Variants in CYP27B1 observed in about 807,000 individuals in gnomAD.
CYP27B1 encodes cytochrome P450 family 27 subfamily B member 1.
A neutral mutation model predicts 54.8 loss-of-function variants in CYP27B1; 46 were observed. The ratio of observed to expected loss-of-function variants is 0.84; its 90% CI spans 0.66 to 1.07. The LOEUF (loss-of-function observed/expected upper bound fraction) is 1.07, where lower values mean the gene tolerates loss of function less well. Ranked by LOEUF, CYP27B1 falls within the 50% of genes least tolerant of loss-of-function variation. The pLI is 0.00. For synonymous variants in CYP27B1, 292 were observed against 297.3 expected (o/e 0.98, Z 0.18); for missense variants, 674 against 692.2 (o/e 0.97, Z 0.30).
At position 57,764,443 on chromosome 12, in the gene CYP27B1, G is replaced by A. The variant is rs759563696; in HGVS notation, c.1071C>T (p.Ala357=). Residue 357 remains alanine, a synonymous_variant, in exon 6 of 9, where the codon GCC becomes GCT. Transcript: ENST00000228606. ...GGGACAGAACAGTGGCTGAGGGGTA[G>A]GCACTGGAGCCAGGGCTCAGGGCAG... ...ITAALSPGSS[A]YPSATVLSQL... is the part of the protein sequence containing the mutation. 6.2e-7 allele frequency: 1 copy of A among 1,614,230 alleles called. No homozygotes were observed. Among genetic ancestry groups the A allele is most frequent in the Non-Finnish European group, 8.5e-7 (1 of 1,180,048 alleles).
At chr12:57,766,711 A>C in intron 1 of CYP27B1, 136 bp downstream of exon 1, 1 of 974,038 alleles carries the variant, frequency 1.0e-6, no homozygotes. Flanking sequence ...CCCAGCCTCA[A>C]CTCGCCTTTT....
At position 57,766,889 on chromosome 12, in the gene CYP27B1, T is replaced by G; in HGVS notation, c.153A>C (p.Glu51Asp). 1 of 1,614,182 alleles carries G rather than the reference T, an allele frequency of 6.2e-7. No homozygotes were observed. Among genetic ancestry groups the G allele is most frequent in the Non-Finnish European group, 8.5e-7 (1 of 1,180,032 alleles). The change falls in exon 1 of 9, where the codon GAA becomes GAC. Residue 51 changes from glutamate to aspartate, a missense_variant. Transcript: ENST00000228606. Reference sequence around the variant, plus strand: ...TCGACAGCCCCCCCTTGCAGAAAAGTTCGGCCAGAAAGCTGGGCGTAGAGG... The same window carrying G: ...TCGACAGCCCCCCCTTGCAGAAAAGGTCGGCCAGAAAGCTGGGCGTAGAGG... ...PGPSTPSFLAELFCKGGLSRL... is the reference protein window; with the variant it reads ...PGPSTPSFLADLFCKGGLSRL...
At chr12:57,764,639 C>T (rs1390764243) in intron 5 of CYP27B1, 89 bp from the exon 6 acceptor site, 5 of 1,589,738 alleles carry the variant, frequency 3.1e-6, no homozygotes, top group Non-Finnish European at 4.3e-6. Flanking sequence ...CTACAGGGTG[C>T]TAAGCCAAGC....
intron 7 of CYP27B1, 59 bp downstream of exon 7, chr12:57,764,039 G>A: frequency 1.4e-6 from 2 of 1,419,844 alleles, no homozygotes; most frequent in South Asian, 1.1e-5. Flanking sequence ...TGAGAACAGG[G>A]TTGGGGCCCA....
rs1308807384 is a variant in CYP27B1, at chr12:57,763,248, G to A, written c.1421C>T (p.Thr474Ile). The change falls in exon 9 of 9, where the codon ACA (threonine) becomes ATA (isoleucine). Residue 474 changes from threonine (T) to isoleucine (I), a missense_variant. Transcript: ENST00000228606. The stretch of plus-strand genomic sequence containing the variant: ...TGGCTCAGGCTGCACCTCAAAATGT[G>A]TTAGGATCTGGAAAGGGAAGAAGGT... The part of the protein sequence containing the change: ...ELQMALAQIL[T>I]HFEVQPEPGA... 2 of 1,612,786 alleles carry A rather than the reference G, an allele frequency of 1.2e-6. No homozygotes were observed. The highest frequency in any genetic ancestry group is 1.3e-5 in the African/African-American group (1 of 74,888).
At position 57,766,166 on chromosome 12, in the gene CYP27B1, C is replaced by T; in HGVS notation, c.227G>A (p.Trp76Ter). 5 of 1,546,328 alleles carry T rather than the reference C, an allele frequency of 3.2e-6. No individual in the cohort carries two copies. The highest frequency in any genetic ancestry group is 3.5e-6 in the Non-Finnish European group (4 of 1,147,506). Residue 76 changes from tryptophan (W) to a stop codon, truncating the protein, a stop_gained, in exon 2 of 9, where the codon TGG becomes TAG. Transcript: ENST00000228606. LOFTEE classifies it high-confidence loss of function. ...GCGCACTGTCCCAAAGCTGGCTAGC[C>T]ACACCGGCCCGAAGTGCGCGGCGCC... ...VQGAAHFGPVWLASFGTVRTV... is the reference protein window; with the variant it reads ...VQGAAHFGPV
At position 57,765,283 on chromosome 12, in the gene CYP27B1, G is replaced by C; in HGVS notation, c.589+14C>G. On this transcript the variant is annotated intron_variant, in intron 3 of 8. Transcript: ENST00000228606. This position sits in a 1 kb window ranked among gnomAD's most constrained non-coding sequence, Gnocchi z 5.8. ...GCGCCCCCGACGCCTGCCCAGCTCT[G>C]TCCTGGGACTCACCTTCCAGTCCGA... is the stretch of plus-strand genomic sequence containing the variant. 3 of 1,612,688 alleles carry C rather than the reference G, an allele frequency of 1.9e-6. No homozygotes were observed. Among genetic ancestry groups the C allele is most frequent in the African/African-American group, 1.3e-5 (1 of 75,050 alleles).
At position 57,765,996 on chromosome 12, in the gene CYP27B1, A is replaced by C. The variant is rs1196852915; in HGVS notation, c.386+11T>G. On this transcript the variant is annotated intron_variant, in intron 2 of 8. Coordinates refer to ENST00000228606, the MANE Select transcript of CYP27B1 (RefSeq NM_000785.4). This position sits in a 1 kb window ranked among gnomAD's most constrained non-coding sequence, Gnocchi z 5.8. Reference sequence around the variant, plus strand: ...AGGGCGTCTGGGCTTCTGGGGGCAGAGAAGACTCACGCAGTGAGCAGTCCG... The same window carrying C: ...AGGGCGTCTGGGCTTCTGGGGGCAGCGAAGACTCACGCAGTGAGCAGTCCG... 3 of 1,554,168 alleles carry C rather than the reference A, an allele frequency of 1.9e-6. No homozygotes were observed. The highest frequency in any genetic ancestry group is 1.7e-6 in the Non-Finnish European group (2 of 1,153,960).
Position 57,766,085 on chromosome 12 carries a change from G to C in CYP27B1, c.308C>G (p.Pro103Arg). The change falls in exon 2 of 9, where the codon CCC (proline) becomes CGC (arginine). Residue 103 changes from proline (P) to arginine (R), a missense_variant. Physicochemically the swap from Pro to Arg is moderately radical, Grantham distance 103. Transcript: ENST00000228606. Reference protein sequence around the residue: ...LVEELLRQEGPRPERCSFSPW... With the variant: ...LVEELLRQEGRRPERCSFSPW... ...CGAGAAGCTGCAGCGCTCGGGCCGG[G>C]GTCCCTCCTGTCGCAGCAGCTCCTC... The C allele has an allele frequency of 6.4e-7, 1 of 1,550,684 alleles. No individual in the cohort carries two copies. The highest frequency in any genetic ancestry group is 8.7e-7 in the Non-Finnish European group (1 of 1,152,008).
At chr12:57,766,228 T>C (rs1955359868) in intron 1 of CYP27B1, 31 bp from the exon 2 acceptor site, 2 of 1,508,978 alleles carry the variant, frequency 1.3e-6, no homozygotes, top group African/African-American at 1.4e-5. Context: ...GACACTTGGA[T>C]ACCTGGGCGG....
Position 57,765,943 on chromosome 12 carries a change from G to A in CYP27B1, c.386+64C>T, listed in dbSNP as rs914785290. On this transcript the variant is annotated intron_variant, in intron 2 of 8. Coordinates refer to ENST00000228606, the MANE Select transcript of CYP27B1 (RefSeq NM_000785.4). This position sits in a 1 kb window ranked among gnomAD's most constrained non-coding sequence, Gnocchi z 5.8. ...ACCATGCCCCCAGATTGATAGTTTC[G>A]GGACCCGCAGCAGGAGAGGGCCGCT... The A allele has an allele frequency of 1.1e-5, 16 of 1,475,810 alleles. No homozygotes were observed. Among genetic ancestry groups the A allele is most frequent in the South Asian group, 1.3e-5 (1 of 76,406 alleles). The allele number at this position is 1,475,810 out of a possible 1,614,324, so 91.4% of individuals were successfully genotyped here. A position where few individuals can be genotyped will look rare whatever the true frequency, so the allele number is the denominator to read the frequency against.
rs1261377948 is a variant in CYP27B1, at chr12:57,765,691, G to A, written c.387-192C>T. Reference sequence around the variant, plus strand: ...CTCTTTACTCATTTCCTGCCCTCAGGGGCCGGGGTTCCCGGGTAACTTGAG... The same window carrying A: ...CTCTTTACTCATTTCCTGCCCTCAGAGGCCGGGGTTCCCGGGTAACTTGAG... On this transcript the variant is annotated intron_variant, in intron 2 of 8. Transcript: ENST00000228606. This position sits in a 1 kb window ranked among gnomAD's most constrained non-coding sequence, Gnocchi z 5.8. 1 of 859,170 alleles carries A rather than the reference G, an allele frequency of 1.2e-6. No homozygotes were observed. The highest frequency in any genetic ancestry group is 1.9e-6 in the Non-Finnish European group (1 of 525,450). 53.2% of individuals were successfully genotyped at this position (859,170 alleles called of 1,614,324 possible). A position where few individuals can be genotyped will look rare whatever the true frequency, so the allele number is the denominator to read the frequency against.
intron 7 of CYP27B1, 132 bp downstream of exon 7, chr12:57,763,966 C>T (rs926566523): frequency 9.3e-7 from 1 of 1,075,760 alleles, no homozygotes; most frequent in Non-Finnish European, 1.4e-6. Flanking sequence ...CCATTACATC[C>T]TAGAAAGGCA....
Position 57,765,798 on chromosome 12 carries a change from G to T in CYP27B1, c.386+209C>A. On this transcript the variant is annotated intron_variant, in intron 2 of 8. Coordinates refer to ENST00000228606, the MANE Select transcript of CYP27B1 (RefSeq NM_000785.4). The surrounding 1 kb of genome is among the most constrained non-coding windows in gnomAD (Gnocchi z 5.8). ...GGTTCCCCCAGTTCCCAGGATTCGG[G>T]CCTCAAAGGATAAGGAGGTAGGCGG... The T allele has an allele frequency of 1.0e-6, 1 of 1,004,936 alleles. No homozygotes were observed. Among genetic ancestry groups the T allele is most frequent in the Non-Finnish European group, 1.4e-6 (1 of 702,920 alleles). The allele number at this position is 1,004,936 out of a possible 1,614,324, so 62.3% of individuals were successfully genotyped here. A position where few individuals can be genotyped will look rare whatever the true frequency, so the allele number is the denominator to read the frequency against.
Position 57,766,049 on chromosome 12 carries a change from T to C in CYP27B1, c.344A>G (p.Glu115Gly). Reference protein sequence around the residue: ...PERCSFSPWTEHRRCRQRACG... With the variant: ...PERCSFSPWTGHRRCRQRACG... ...AGCCCGCTGGCGGCAGCGGCGGTGC[T>C]CCGTCCAGGGCGAGAAGCTGCAGCG... The change falls in exon 2 of 9, where the codon GAG becomes GGG. Residue 115 changes from glutamate to glycine, a missense_variant. Transcript: ENST00000228606. The C allele has an allele frequency of 6.4e-7, 1 of 1,565,328 alleles. No homozygotes were observed. Among genetic ancestry groups the C allele is most frequent in the Non-Finnish European group, 8.6e-7 (1 of 1,159,794 alleles).
Position 57,763,054 on chromosome 12 carries a change from G to A in CYP27B1, c.*88C>T. 1.1e-6 allele frequency: 1 copy of A among 918,032 alleles called. No homozygotes were observed. The highest frequency in any genetic ancestry group is 1.8e-6 in the Non-Finnish European group (1 of 568,322). 56.9% of individuals were successfully genotyped at this position (918,032 alleles called of 1,614,324 possible). ...CAGTTTGGTCAGATAGGCATTAGGG[G>A]AAGATGTATACCTTGGTCTTGTGCC... is the stretch of plus-strand genomic sequence containing the variant. On this transcript the variant is annotated 3_prime_UTR_variant, in exon 9 of 9. Coordinates refer to ENST00000228606, the MANE Select transcript of CYP27B1 (RefSeq NM_000785.4).
Position 57,764,630 on chromosome 12 carries a change from T to C in CYP27B1, c.964-80A>G, listed in dbSNP as rs776724658. On this transcript the variant is annotated intron_variant, in intron 5 of 8. Coordinates refer to ENST00000228606, the MANE Select transcript of CYP27B1 (RefSeq NM_000785.4). The stretch of plus-strand genomic sequence containing the variant: ...TGCAGATTATGGAAGAGTCTGGGGC[T>C]ACAGGGTGCTAAGCCAAGCTGGTCT... The C allele has an allele frequency of 1.1e-5, 17 of 1,591,058 alleles. No individual in the cohort carries two copies. In the Admixed American group the frequency reaches 2.7e-4, roughly 25 times the overall value.
At chr12:57,763,585 G>A (rs1273185432) in intron 8 of CYP27B1, 26 bp downstream of exon 8, 2 of 1,602,958 alleles carry the variant, frequency 1.2e-6, no homozygotes, top group Admixed American at 3.3e-5. Flanking sequence ...CCAGTCTGGG[G>A]AAGGTATAAA....
In CYP27B1 at chr12:57,764,735, C is replaced by G; in HGVS notation, c.963+19G>C. On this transcript the variant is annotated intron_variant, in intron 5 of 8. Coordinates refer to ENST00000228606, the MANE Select transcript of CYP27B1 (RefSeq NM_000785.4). ...GCTAAGCCCTGGAACCGGCTCACAGCACGGAGGGAGAACCTCACCGTGTCC... is the reference window on the plus strand; with the variant it reads ...GCTAAGCCCTGGAACCGGCTCACAGGACGGAGGGAGAACCTCACCGTGTCC... 6.2e-7 allele frequency: 1 copy of G among 1,614,036 alleles called. No individual in the cohort carries two copies. The highest frequency in any genetic ancestry group is 1.1e-5 in the South Asian group (1 of 91,070).
Sources: allele counts gnomAD v4.1 joint callset, GRCh38; gene constraint gnomAD v4.1.1; non-coding constraint Gnocchi (gnomAD v3.1); transcripts MANE v1.5; gene names NCBI Gene and HGNC (gene_info 2026-07-23, HGNC 2026-07-21).